The following PDE2A variants were observed in gnomAD, a reference collection of about 807,000 sequenced individuals.
PDE2A encodes the protein phosphodiesterase 2A, also known as cGMP-dependent 3',5'-cyclic phosphodiesterase.
A neutral mutation model predicts 133.6 loss-of-function variants in PDE2A; 53 were observed. That is an observed-to-expected ratio of 0.40 (90% CI 0.32 to 0.50). The LOEUF is 0.50. PDE2A is among the 20% of genes least tolerant of loss of function. The pLI, the probability that PDE2A is intolerant of heterozygous loss-of-function variation, is 0.73. For missense variants in PDE2A, 796 were observed against 1,232.4 expected (o/e 0.65, Z 5.30); for synonymous variants, 491 against 490.2 (o/e 1.00, Z -0.02).
At chr11:72,616,323 C>T (rs964565613) in intron 2 of PDE2A, among the ~76,000 whole-genome samples, 4 of 152,232 alleles carry the variant, frequency 2.6e-5, no homozygotes, top group African/African-American at 9.6e-5. Flanking sequence ...CCACTGCCCC[C>T]CTTTCCCCCA....
intron 1 of PDE2A, among the ~76,000 whole-genome samples, chr11:72,645,189 A>G (rs1229616967): frequency 6.6e-6 from 1 of 152,184 alleles, no homozygotes; most frequent in African/African-American, 2.4e-5. Context: ...AGCATTCCTC[A>G]GAGGGTTTGA....
Position 72,577,548 on chromosome 11 carries a change from C to T in PDE2A, c.2662G>A (p.Val888Met), listed in dbSNP as rs778712420. ...GTCCAGTGCTCACGGTTGGAGGCCA[C>T]GCGCTCGTACAGCTCTGCCGCTTTG... is the stretch of plus-strand genomic sequence containing the variant. ...FPKAAELYER[V>M]ASNREHWTKV... The change falls in exon 31 of 31, where the codon GTG becomes ATG. Residue 888 changes from valine to methionine, a missense_variant. Val to Met is a conservative substitution (Grantham distance 21). Around this residue, in one of 7 missense-constraint regions of PDE2A, gnomAD observed 83 missense variants for 99.0 expected, o/e 0.84. Coordinates refer to ENST00000334456, the MANE Select transcript of PDE2A (RefSeq NM_002599.5). 28 of 1,609,498 alleles carry T rather than the reference C, an allele frequency of 1.7e-5. No homozygotes were observed. The highest frequency in any genetic ancestry group is 2.2e-5 in the East Asian group (1 of 44,894).
At chr11:72,591,249 G>A (rs1856234054) in intron 7 of PDE2A, 48 bp downstream of exon 7, 1 of 1,495,624 alleles carries the variant, frequency 6.7e-7, no homozygotes, top group African/African-American at 1.4e-5. Context: ...CCCACCAGCT[G>A]TGATAAGGGT....
intron 3 of PDE2A, among the ~76,000 whole-genome samples, chr11:72,607,668 C>T (rs188356750): frequency 1.3e-5 from 2 of 152,134 alleles, no homozygotes; most frequent in African/African-American, 4.8e-5. Context: ...AGTGCCCTCT[C>T]TCTCTGGGCC....
chr11:72,671,444 T>C (rs867461504), intron 1 of PDE2A, among the ~76,000 whole-genome samples: 5 of 152,032 alleles, frequency 3.3e-5, no homozygotes, highest in Non-Finnish European at 7.4e-5. Context: ...AGACTCCCAG[T>C]CCATTAAGAC....
Position 72,588,909 on chromosome 11 carries a change from A to C in PDE2A, c.945T>G (p.Asp315Glu), listed in dbSNP as rs202107484. 5.6e-6 allele frequency: 9 copies of C among 1,601,754 alleles called. No homozygotes were observed. The highest frequency in any genetic ancestry group is 7.7e-6 in the Non-Finnish European group (9 of 1,170,946). The change falls in exon 13 of 31, where the codon GAT becomes GAG. Residue 315 changes from aspartate (D) to glutamate (E), a missense_variant. Physicochemically the swap from Asp to Glu is conservative, Grantham distance 45. Around this residue, in one of 7 missense-constraint regions of PDE2A, gnomAD observed 417 missense variants for 475.3 expected, o/e 0.88. Transcript: ENST00000334456. Reference protein sequence around the residue: ...SIQLKDLTSEDVQQLQSMLGC... With the variant: ...SIQLKDLTSEEVQQLQSMLGC... ...CCAACATGCTCTGCAGCTGTTGTAC[A>C]TCCTCCTGCAAAGGCGAGGCAAGTC...
rs1368874670 is a variant in PDE2A, at chr11:72,608,667, G to A, written c.229C>T (p.Arg77Ter). 2 of 1,545,332 alleles carry A rather than the reference G, an allele frequency of 1.3e-6. No individual in the cohort carries two copies. The highest frequency in any genetic ancestry group is 2.3e-5 in the East Asian group (1 of 43,610). ...VKEALSAVLPRVETVYTYLLD... is the reference protein window; with the variant it reads ...VKEALSAVLP ...GGGCAAGGGCGGGCACCTACCACTC[G>A]GGGGAGCACAGCTGACAGGGCCTCC... Residue 77 changes from arginine to a stop codon, truncating the protein, a stop_gained, in exon 3 of 31, where the codon CGA becomes TGA. Coordinates refer to ENST00000334456, the MANE Select transcript of PDE2A (RefSeq NM_002599.5). LOFTEE classifies it high-confidence loss of function.
At chr11:72,667,028 C>G (rs11235560) in intron 1 of PDE2A, among the ~76,000 whole-genome samples, 1 of 152,126 alleles carries the variant, frequency 6.6e-6, no homozygotes, top group Non-Finnish European at 1.5e-5. Context: ...ATAGCTTGAG[C>G]CTGGGATGCG....
At chr11:72,631,193 C>T in intron 2 of PDE2A, 1 of 1,404,104 alleles carries the variant, frequency 7.1e-7, no homozygotes, top group Middle Eastern at 1.9e-4. Context: ...CTCCCCTTCT[C>T]CCCAGACTGT....
At chr11:72,642,511 C>T in intron 1 of PDE2A, 185 bp from the exon 2 acceptor site, 1 of 553,980 alleles carries the variant, frequency 1.8e-6, no homozygotes. Flanking sequence ...CCGGCCCGCC[C>T]CGGCCCCGCC....
chr11:72,650,423 C>T (rs948716895), intron 1 of PDE2A, among the ~76,000 whole-genome samples: 8 of 152,118 alleles, frequency 5.3e-5, no homozygotes, highest in African/African-American at 1.7e-4. Context: ...GTCTCCCACC[C>T]ACAGAGCCCT....
rs994418174 is a variant in PDE2A, at chr11:72,577,746, G to A, written c.2616-152C>T. On this transcript the variant is annotated intron_variant, in intron 30 of 30. Coordinates refer to ENST00000334456, the MANE Select transcript of PDE2A (RefSeq NM_002599.5). ...CCAACACTCAGAGATGCCGAGGTGT[G>A]TGGATCACCTGAAGTCAGGAGTTCA... The A allele has an allele frequency of 9.6e-6, 6 of 622,538 alleles. No homozygotes were observed. In the African/African-American group the frequency reaches 1.1e-4, roughly 11 times the overall value. The allele number at this position is 622,538 out of a possible 1,614,324, so 38.6% of individuals were successfully genotyped here. A position where few individuals can be genotyped will look rare whatever the true frequency, so the allele number is the denominator to read the frequency against.
chr11:72,618,747 G>T (rs1420951221), intron 2 of PDE2A, among the ~76,000 whole-genome samples: 2 of 152,214 alleles, frequency 1.3e-5, no homozygotes, highest in Non-Finnish European at 2.9e-5. Context: ...AGAGAGGGGA[G>T]GCGATGGGCC....
chr11:72,615,248 C>T lies in PDE2A; in HGVS notation c.145-6497G>A. On this transcript the variant is annotated intron_variant, in intron 2 of 30. Transcript: ENST00000334456. ...CTCCGCCCCGGCCTCTCGCCCTTCCCAAGCCAGTCCCAGCTTCTATTCCAG... is the reference window on the plus strand; with the variant it reads ...CTCCGCCCCGGCCTCTCGCCCTTCCTAAGCCAGTCCCAGCTTCTATTCCAG... 2 of 298,470 alleles carry T rather than the reference C, an allele frequency of 6.7e-6. 1 individual carries two copies. The highest frequency in any genetic ancestry group is 5.5e-5 in the South Asian group (2 of 36,684). The allele number at this position is 298,470 out of a possible 1,614,324, so 18.5% of individuals were successfully genotyped here. A position where few individuals can be genotyped will look rare whatever the true frequency, so the allele number is the denominator to read the frequency against.
At chr11:72,599,358 C>A (rs902865403) in intron 4 of PDE2A, among the ~76,000 whole-genome samples, 1 of 152,098 alleles carries the variant, frequency 6.6e-6, no homozygotes, top group Non-Finnish European at 1.5e-5. Context: ...GGAGCCTCCC[C>A]ACCACGTCCC....
chr11:72,599,113 G>A, intron 4 of PDE2A: 1 of 807,336 alleles, frequency 1.2e-6, no homozygotes, highest in Non-Finnish European at 1.5e-6. Flanking sequence ...AGGTGGCACT[G>A]GTCCTTGCGT....
chr11:72,641,762 C>T (rs1858962812), intron 2 of PDE2A, among the ~76,000 whole-genome samples: 1 of 152,108 alleles, frequency 6.6e-6, no homozygotes, highest in Non-Finnish European at 1.5e-5. Context: ...GACTGAAGTC[C>T]AGATGTTTGG....
Position 72,590,467 on chromosome 11 carries a change from C to T in PDE2A, c.663G>A (p.Ala221=). Reference sequence around the variant, plus strand: ...TCTTGCGGTCGCGGTCGGTGTACGCCGCCCCGCCCTTCTGGTCTTCCGCCG... The same window carrying T: ...TCTTGCGGTCGCGGTCGGTGTACGCTGCCCCGCCCTTCTGGTCTTCCGCCG... ...EGTAEDQKGG[A]AYTDRDRKIL... Residue 221 remains alanine, a synonymous_variant, in exon 8 of 31, where the codon GCG becomes GCA. Transcript: ENST00000334456. The surrounding 1 kb of genome is among the most constrained non-coding windows in gnomAD (Gnocchi z 4.8). 6.5e-7 allele frequency: 1 copy of T among 1,541,324 alleles called. No homozygotes were observed. Among genetic ancestry groups the T allele is most frequent in the Non-Finnish European group, 8.7e-7 (1 of 1,146,434 alleles).
intron 1 of PDE2A, among the ~76,000 whole-genome samples, chr11:72,666,417 C>T (rs1214136453): frequency 1.3e-5 from 2 of 152,238 alleles, no homozygotes; most frequent in East Asian, 3.9e-4. Context: ...AACCTAGACA[C>T]TTCCCAGCCA....
Sources: allele counts gnomAD v4.1 joint callset (sites outside exome capture counted in the v4.1 genomes callset), GRCh38; gene constraint gnomAD v4.1.1; regional missense constraint gnomAD v4.1.1; non-coding constraint Gnocchi (gnomAD v3.1); transcripts MANE v1.5; gene names NCBI Gene and HGNC (gene_info 2026-07-23, HGNC 2026-07-21).